Variants in HDAC4 observed in about 807,000 individuals in gnomAD.
HDAC4 encodes the protein histone deacetylase 4.
HDAC4 carries 16 observed loss-of-function variants against 135.1 expected under a neutral mutation model. The ratio of observed to expected loss-of-function variants is 0.12; its 90% CI spans 0.08 to 0.18. The LOEUF is 0.18. Ranked by LOEUF, HDAC4 falls within the 10% of genes least tolerant of loss-of-function variation. The pLI is 1.00. For missense variants in HDAC4, 1,143 were observed against 1,511.8 expected (o/e 0.76, Z 4.05); for synonymous variants, 685 against 653.4 (o/e 1.05, Z -0.74).
intron 12 of HDAC4, among the ~76,000 whole-genome samples, chr2:239,119,757 G>A (rs2152825061): frequency 6.6e-6 from 1 of 152,286 alleles, no homozygotes; most frequent in East Asian, 1.9e-4. Context: ...GGATGGGCAG[G>A]AGAGGCTGCG....
At chr2:239,151,195 G>T (rs926494882) in intron 7 of HDAC4, among the ~76,000 whole-genome samples, 8 of 152,232 alleles carry the variant, frequency 5.3e-5, no homozygotes, top group Non-Finnish European at 8.8e-5. Context: ...CTTTATTCAG[G>T]TCACTAGTAC....
rs1693214018 is a variant in HDAC4, at chr2:239,352,175, T to TAAATGCTTGTA, written c.22+492_22+502dup. ...GGCCTGAGATGATCTGGGGCTGTAC[T>TAAATGCTTGTA]AAATGCTTGTAAAATGCTTAGTGCA... On this transcript the variant is annotated intron_variant, in intron 2 of 26. Transcript: ENST00000543185. The surrounding 1 kb of genome is among the most constrained non-coding windows in gnomAD (Gnocchi z 4.4). 6.6e-6 allele frequency among the ~76,000 whole-genome samples: 1 copy of TAAATGCTTGTA among 152,156 alleles called. No individual in the cohort carries two copies. Among genetic ancestry groups the TAAATGCTTGTA allele is most frequent in the Non-Finnish European group, 1.5e-5 (1 of 68,020 alleles).
chr2:239,052,950 A>G lies in HDAC4; in HGVS notation c.*147T>C. 9 of 913,394 alleles carry G rather than the reference A, an allele frequency of 9.9e-6. No homozygotes were observed. Among genetic ancestry groups the G allele is most frequent in the Non-Finnish European group, 1.6e-5 (9 of 553,070 alleles). The allele number at this position is 913,394 out of a possible 1,614,324, so 56.6% of individuals were successfully genotyped here. On this transcript the variant is annotated 3_prime_UTR_variant, in exon 27 of 27. Transcript: ENST00000543185. ...AGACCTGTGGGCCTGGGCGGCAGAA[A>G]GGCTTCCCGTGGCTGTTGCACGCTG...
At chr2:239,388,956 G>T (rs1443160055) in intron 1 of HDAC4, among the ~76,000 whole-genome samples, 2 of 152,210 alleles carry the variant, frequency 1.3e-5, no homozygotes, top group Admixed American at 1.3e-4. Context: ...CACTGCCAGA[G>T]AACCCTGCCG....
At chr2:239,098,238 G>C (rs2037293244) in intron 16 of HDAC4, among the ~76,000 whole-genome samples, 1 of 152,254 alleles carries the variant, frequency 6.6e-6, no homozygotes, top group South Asian at 2.1e-4. Flanking sequence ...GTGGTTTGGA[G>C]CCACAATCAC....
intron 2 of HDAC4, among the ~76,000 whole-genome samples, chr2:239,296,471 C>T (rs1253966080): frequency 6.6e-6 from 1 of 152,218 alleles, no homozygotes; most frequent in Non-Finnish European, 1.5e-5. Context: ...CAGCTGAGTG[C>T]TGACACTCTA....
At chr2:239,267,165 A>G (rs1468089183) in intron 2 of HDAC4, among the ~76,000 whole-genome samples, 1 of 152,222 alleles carries the variant, frequency 6.6e-6, no homozygotes, top group Non-Finnish European at 1.5e-5. Context: ...GTTGCCATCT[A>G]TGACCTGGGA....
At chr2:239,168,143 A>C (rs1248259673) in intron 5 of HDAC4, among the ~76,000 whole-genome samples, 2 of 152,218 alleles carry the variant, frequency 1.3e-5, no homozygotes, top group African/African-American at 4.8e-5. Context: ...AACTTCATGG[A>C]AAGGACACCT....
intron 2 of HDAC4, among the ~76,000 whole-genome samples, chr2:239,346,747 C>T (rs894845476): frequency 4.7e-5 from 7 of 150,282 alleles, no homozygotes; most frequent in Admixed American, 4.6e-4. Context: ...CACACCCTGA[C>T]ACACACACCC....
intron 4 of HDAC4, among the ~76,000 whole-genome samples, chr2:239,178,625 C>G (rs140349724): frequency 7.0e-4 from 107 of 152,326 alleles, no homozygotes; most frequent in African/African-American, 2.5e-3. Context: ...CTCACGTGAT[C>G]CTCCCGCCTT....
At chr2:239,296,218 C>T (rs1026330166) in intron 2 of HDAC4, among the ~76,000 whole-genome samples, 2 of 152,336 alleles carry the variant, frequency 1.3e-5, no homozygotes, top group African/African-American at 4.8e-5. Flanking sequence ...CACACACACA[C>T]ACGCACATAT....
At chr2:239,264,278 C>T (rs549179742) in intron 2 of HDAC4, among the ~76,000 whole-genome samples, 12 of 152,336 alleles carry the variant, frequency 7.9e-5, no homozygotes, top group African/African-American at 2.6e-4. Flanking sequence ...GATGCGCCTG[C>T]CAGGTTCCAT....
chr2:239,130,048 A>G (rs2040462205), intron 11 of HDAC4, among the ~76,000 whole-genome samples: 1 of 152,220 alleles, frequency 6.6e-6, no homozygotes, highest in Admixed American at 6.5e-5. Flanking sequence ...GAGTCCTTAG[A>G]AGTCCATCTG....
chr2:239,364,492 G>A (rs933588064), intron 1 of HDAC4, among the ~76,000 whole-genome samples: 5 of 152,210 alleles, frequency 3.3e-5, no homozygotes, highest in Admixed American at 1.3e-4. Flanking sequence ...AATCCGAGGT[G>A]GGAGACATCC....
intron 2 of HDAC4, among the ~76,000 whole-genome samples, chr2:239,321,921 T>C (rs1285507517): frequency 6.6e-6 from 1 of 152,122 alleles, no homozygotes; most frequent in Non-Finnish European, 1.5e-5. Flanking sequence ...GAACAAAGAA[T>C]TGGACAAAAC....
chr2:239,202,456 CG>C (rs1212606478), intron 3 of HDAC4, among the ~76,000 whole-genome samples: 2 of 152,094 alleles, frequency 1.3e-5, no homozygotes, highest in Admixed American at 1.3e-4. Context: ...TCAGACCCAG[CG>C]GGGTGACTCT....
At chr2:239,061,384 CGTGT>C (rs752088494) in intron 24 of HDAC4, among the ~76,000 whole-genome samples, 2 of 144,552 alleles carry the variant, frequency 1.4e-5, no homozygotes, top group African/African-American at 5.2e-5. Flanking sequence ...TGTGGGTGTG[CGTGT>C]GTGTGGTGTG....
At chr2:239,248,036 C>T (rs1431601280) in intron 2 of HDAC4, among the ~76,000 whole-genome samples, 2 of 152,182 alleles carry the variant, frequency 1.3e-5, no homozygotes, top group Non-Finnish European at 2.9e-5. Context: ...CCCCAGCGCC[C>T]ATAACACTCG....
intron 3 of HDAC4, among the ~76,000 whole-genome samples, chr2:239,195,234 T>C (rs1359408203): frequency 1.3e-5 from 2 of 152,222 alleles, no homozygotes; most frequent in Admixed American, 6.5e-5. Context: ...AACTCCACTA[T>C]CTGCTAAAGT....
Sources: allele counts gnomAD v4.1 joint callset (sites outside exome capture counted in the v4.1 genomes callset), GRCh38; gene constraint gnomAD v4.1.1; non-coding constraint Gnocchi (gnomAD v3.1); transcripts MANE v1.5; gene names NCBI Gene and HGNC (gene_info 2026-07-23, HGNC 2026-07-21).